MID2: variants seen among roughly 807,000 people sequenced by gnomAD.
MID2 encodes midline 2, also known as probable E3 ubiquitin-protein ligase MID2.
In MID2, 13 loss-of-function variants were observed where a neutral mutation model predicts 46.1. The observed-to-expected ratio is 0.28, with a 90% CI of 0.18 to 0.45. The LOEUF is 0.45. Ranked by LOEUF, MID2 falls within the 20% of genes least tolerant of loss-of-function variation. The pLI is 1.00. For missense variants in MID2, 431 were observed against 575.4 expected, an observed-to-expected ratio of 0.75 and a Z score of 2.57; for synonymous variants, 199 against 212.3, an observed-to-expected ratio of 0.94 and a Z score of 0.55.
At chrX:107,853,793 G>A (rs1461109256) in intron 2 of MID2, among the ~76,000 whole-genome samples, 1 of 111,526 alleles carries the variant, frequency 9.0e-6, no homozygotes, top group Non-Finnish European at 1.9e-5. Flanking sequence ...AACAAAAAAA[G>A]TCATGGAATA....
At chrX:107,837,102 C>A (rs779781709) in intron 1 of MID2, among the ~76,000 whole-genome samples, 1 of 111,730 alleles carries the variant, frequency 9.0e-6, no homozygotes, top group African/African-American at 3.2e-5. Flanking sequence ...TGACCTTACC[C>A]AAAGCAATCC....
chrX:107,875,848 T>C (rs1932186230), intron 3 of MID2, among the ~76,000 whole-genome samples: 1 of 111,760 alleles, frequency 8.9e-6, no homozygotes, highest in Non-Finnish European at 1.9e-5. Flanking sequence ...AACCCCAGTG[T>C]CCAAAAGGAG....
intron 3 of MID2, among the ~76,000 whole-genome samples, chrX:107,897,199 T>C (rs1162635063): frequency 4.5e-5 from 5 of 111,469 alleles, no homozygotes; most frequent in Non-Finnish European, 5.7e-5. Flanking sequence ...ATAGTTATAC[T>C]TCTAGAAATG....
chrX:107,901,953 G>T (rs945588155), intron 3 of MID2, among the ~76,000 whole-genome samples: 2 of 111,764 alleles, frequency 1.8e-5, no homozygotes, highest in Admixed American at 9.5e-5. Flanking sequence ...AAAGATGGAT[G>T]ATTTGAAAGA....
intron 3 of MID2, among the ~76,000 whole-genome samples, chrX:107,861,917 G>A (rs745397661): frequency 8.9e-6 from 1 of 112,070 alleles, no homozygotes; most frequent in South Asian, 3.8e-4. Context: ...AAAATGGTAT[G>A]TACGTCCTGG....
Position 107,931,572 on chromosome X carries a change from C to T in MID2, c.*4499C>T, listed in dbSNP as rs1602516977. Among the ~76,000 whole-genome samples, 1 of 111,693 alleles carries T rather than the reference C, an allele frequency of 9.0e-6. No homozygotes were observed. Among genetic ancestry groups the T allele is most frequent in the Non-Finnish European group, 1.9e-5 (1 of 53,120 alleles). ...GTGGATTACACAGCCTCATCCCTCT[C>T]TACAATATTCCAGCCCATCCAAAAT... On this transcript the variant is annotated 3_prime_UTR_variant, in exon 10 of 10. Coordinates refer to ENST00000262843, the MANE Select transcript of MID2 (RefSeq NM_012216.4).
At position 107,926,749 on chromosome X, in the gene MID2, T is replaced by C. The variant is rs769756021; in HGVS notation, c.1884T>C (p.Ser628=). 9 of 1,211,309 alleles carry C rather than the reference T, an allele frequency of 7.4e-6. No homozygotes were observed. Among genetic ancestry groups the C allele is most frequent in the Non-Finnish European group, 1.0e-5 (9 of 895,142 alleles). ...IGKNASSWVF[S]RCNSNFVVRH... ...AGAATGCCTCCTCATGGGTCTTCTC[T>C]CGCTGCAATAGTAACTTCGTGGTGA... The change falls in exon 10 of 10, where the codon TCT becomes TCC. Residue 628 remains serine (S), a synonymous_variant. Coordinates refer to ENST00000262843, the MANE Select transcript of MID2 (RefSeq NM_012216.4).
At chrX:107,849,369 G>T (rs768943921) in intron 2 of MID2, among the ~76,000 whole-genome samples, 1 of 111,201 alleles carries the variant, frequency 9.0e-6, no homozygotes, top group African/African-American at 3.3e-5. Context: ...GTGCCATAAT[G>T]GGGTAATCTA....
chrX:107,886,649 A>G (rs1411791912), intron 3 of MID2, among the ~76,000 whole-genome samples: 3 of 111,869 alleles, frequency 2.7e-5, no homozygotes, highest in East Asian at 2.8e-4. Flanking sequence ...GTTTTTTCCA[A>G]TTCTGTGAAG....
At chrX:107,893,946 G>A (rs763452511) in intron 3 of MID2, among the ~76,000 whole-genome samples, 165 of 112,608 alleles carry the variant, frequency 1.5e-3, no homozygotes, top group African/African-American at 5.1e-3. Context: ...GGTGGACGTC[G>A]CACCTGTCTT....
intron 3 of MID2, among the ~76,000 whole-genome samples, chrX:107,863,336 T>G (rs1300466927): frequency 8.9e-6 from 1 of 111,948 alleles, no homozygotes; most frequent in East Asian, 2.8e-4. Context: ...CTCCCTCACA[T>G]CTATAGGGCA....
In MID2 at chrX:107,917,537, C is replaced by G. The variant is rs1256154500; in HGVS notation, c.1233C>G (p.Leu411=). The G allele has an allele frequency of 2.3e-5, 28 of 1,211,194 alleles. No individual in the cohort carries two copies. Among genetic ancestry groups the G allele is most frequent in the Non-Finnish European group, 3.1e-5 (28 of 895,056 alleles). Residue 411 remains leucine (L), a synonymous_variant, in exon 7 of 10, where the codon CTC becomes CTG. Transcript: ENST00000262843. ...ACCCACCATCTATCCGAGAAGAACT[C>G]TGTACTGCCTCCCATGACACCATTA... The part of the protein sequence containing the change: ...APNPPSIREE[L]CTASHDTITV...
intron 3 of MID2, among the ~76,000 whole-genome samples, chrX:107,872,741 T>G (rs1351704966): frequency 8.9e-6 from 1 of 112,077 alleles, no homozygotes; most frequent in Non-Finnish European, 1.9e-5. Flanking sequence ...TGGCCCTAGT[T>G]CCTGGGATTG....
At chrX:107,835,742 C>T (rs910348957) in intron 1 of MID2, among the ~76,000 whole-genome samples, 21 of 111,867 alleles carry the variant, frequency 1.9e-4, no homozygotes, top group Non-Finnish European at 3.8e-4. Context: ...GAGTACATTT[C>T]TAGAGACTAG....
chrX:107,842,092 T>C (rs747016910), intron 2 of MID2, among the ~76,000 whole-genome samples: 1 of 112,798 alleles, frequency 8.9e-6, no homozygotes, highest in African/African-American at 3.2e-5. Flanking sequence ...CAATTTAAAC[T>C]GAAGGCAATA....
At position 107,854,647 on chromosome X, in the gene MID2, C is replaced by T. The variant is rs1931701964; in HGVS notation, c.759C>T (p.Arg253=). The T allele has an allele frequency of 1.7e-6, 2 of 1,210,801 alleles. No homozygotes were observed. Among genetic ancestry groups the T allele is most frequent in the Non-Finnish European group, 1.1e-6 (1 of 894,700 alleles). ...TGAACCTCACCAACCTGGTTAAGCG[C>T]AACAGCGAACTAGAAAATCAAATGG... The part of the protein sequence containing the change: ...LEMNLTNLVK[R]NSELENQMAK... Residue 253 remains arginine, a synonymous_variant, in exon 3 of 10, where the codon CGC becomes CGT. Transcript: ENST00000262843.
intron 2 of MID2, among the ~76,000 whole-genome samples, chrX:107,845,238 A>G (rs1475862373): frequency 1.8e-5 from 2 of 111,404 alleles, no homozygotes; most frequent in African/African-American, 6.5e-5. Flanking sequence ...ATCAGATGTG[A>G]TTATTATAAT....
chrX:107,860,619 G>C (rs1931833840), intron 3 of MID2, among the ~76,000 whole-genome samples: 1 of 112,454 alleles, frequency 8.9e-6, no homozygotes. Context: ...TGTTGCTTTT[G>C]AGGAGATTAC....
chrX:107,929,972 C>T lies in MID2; in HGVS notation c.*2899C>T, dbSNP rs1943358188. 8.9e-6 allele frequency among the ~76,000 whole-genome samples: 1 copy of T among 111,782 alleles called. No individual in the cohort carries two copies. The highest frequency in any genetic ancestry group is 3.3e-5 in the African/African-American group (1 of 30,734). On this transcript the variant is annotated 3_prime_UTR_variant, in exon 10 of 10. Transcript: ENST00000262843. The stretch of plus-strand genomic sequence containing the variant: ...TTTTGGGTTCCCACTCCTGACCTAA[C>T]CAGAATATCTGAGAACATAGGCAGG...
Sources: gnomAD v4.1 joint callset for allele counts (sites outside exome capture counted in the v4.1 genomes callset) on GRCh38, gnomAD v4.1.1 for gene constraint, MANE v1.5 for transcripts, NCBI Gene and HGNC (gene_info 2026-07-23, HGNC 2026-07-21) for gene names.